WDR43: variants seen among roughly 807,000 people sequenced by gnomAD.
WDR43 encodes the protein WD repeat domain 43.
In WDR43, 13 loss-of-function variants were observed where a neutral mutation model predicts 91.4. That is an observed-to-expected ratio of 0.14 (90% confidence interval 0.09 to 0.23). The LOEUF (loss-of-function observed/expected upper bound fraction) is 0.23, where lower values mean the gene tolerates loss of function less well. Among genes scored for constraint, WDR43 ranks in the 10% least tolerant of loss-of-function variants. WDR43 has a pLI of 1.00. For synonymous variants in WDR43, 331 were observed against 287.9 expected (o/e 1.15, Z -1.51); for missense variants, 780 against 809.4 (o/e 0.96, Z 0.44).
At chr2:28,929,412 C>T (rs1671199766) in intron 10 of WDR43, among the ~76,000 whole-genome samples, 167 bp from the exon 11 acceptor site, 1 of 152,078 alleles carries the variant, frequency 6.6e-6, no homozygotes, top group Non-Finnish European at 1.5e-5. Flanking sequence ...TTGTCTCCAA[C>T]ATTGGCATTA....
chr2:28,923,876 T>C (rs1262430857), intron 7 of WDR43, among the ~76,000 whole-genome samples: 2 of 151,970 alleles, frequency 1.3e-5, no homozygotes, highest in Non-Finnish European at 2.9e-5. Flanking sequence ...TGGCAAACCA[T>C]TGAAGGATTT....
chr2:28,932,943 C>T (rs2148195415), intron 11 of WDR43, among the ~76,000 whole-genome samples: 1 of 152,272 alleles, frequency 6.6e-6, no homozygotes, highest in Middle Eastern at 3.4e-3. Flanking sequence ...AAACAGGTAA[C>T]TGTCTCTACA....
chr2:28,902,184 T>G (rs541284997), intron 2 of WDR43, 60 bp downstream of exon 2: 519 of 1,485,246 alleles, frequency 3.5e-4, no homozygotes, highest in Non-Finnish European at 4.5e-4. Context: ...TATTAGAGAT[T>G]ATTAAAAAAA....
chr2:28,906,604 G>T, intron 3 of WDR43, 23 bp downstream of exon 3: 1 of 1,606,404 alleles, frequency 6.2e-7, no homozygotes. Context: ...CATGGTATCA[G>T]GAAATGCAAT....
intron 5 of WDR43, 93 bp from the exon 6 acceptor site, chr2:28,917,800 A>G (rs1670943285): frequency 9.4e-7 from 1 of 1,063,800 alleles, no homozygotes; most frequent in South Asian, 1.5e-5. Flanking sequence ...TGGGAATCTC[A>G]TGTGCTGATC....
At chr2:28,924,709 GT>G (rs1207944455) in intron 7 of WDR43, among the ~76,000 whole-genome samples, 1 of 152,102 alleles carries the variant, frequency 6.6e-6, no homozygotes, top group African/African-American at 2.4e-5. Flanking sequence ...GCAAGAGAAC[GT>G]TTGGCAGCTT....
At chr2:28,926,668 CTCTTG>C (rs1221381244) in intron 9 of WDR43, 114 bp downstream of exon 9, 52 of 901,670 alleles carry the variant, frequency 5.8e-5, no homozygotes, top group Non-Finnish European at 7.6e-5. Context: ...TATCTTTATT[CTCTTG>C]TCTTATAAAT....
chr2:28,937,943 G>C lies in WDR43; in HGVS notation c.1569G>C (p.Met523Ile), dbSNP rs778616801. ...TTTTTTTTTCCAGTGCTGTGCTAAT[G>C]GTTCAGTGGCTAAAATGTGTGTTAA... ...LQGHPNSAVL[M>I]VQWLKCVLTV... Residue 523 changes from methionine (M) to isoleucine (I), a missense_variant, in exon 14 of 18, where the codon ATG becomes ATC. Physicochemically the swap from Met to Ile is conservative, Grantham distance 10. Coordinates refer to ENST00000407426, the MANE Select transcript of WDR43 (RefSeq NM_015131.3). 7.4e-6 allele frequency: 12 copies of C among 1,613,598 alleles called. No homozygotes were observed. In the Middle Eastern group the frequency reaches 4.9e-4, roughly 66 times the overall value.
At chr2:28,901,899 G>T (rs1034489932) in intron 1 of WDR43, 88 bp from the exon 2 acceptor site, 2 of 1,291,414 alleles carry the variant, frequency 1.5e-6, no homozygotes, top group African/African-American at 1.5e-5. Context: ...AATGTCTTTT[G>T]TGGGCTGGTG....
chr2:28,906,439 T>TC (rs1459708703), intron 2 of WDR43, 21 bp from the exon 3 acceptor site: 8 of 1,516,874 alleles, frequency 5.3e-6, no homozygotes, highest in Non-Finnish European at 7.0e-6. Context: ...CTTAAATTTT[T>TC]TTTTTTTTTT....
At chr2:28,922,793 C>A in intron 6 of WDR43, 126 bp from the exon 7 acceptor site, 1 of 432,940 alleles carries the variant, frequency 2.3e-6, no homozygotes, top group Non-Finnish European at 3.8e-6. Context: ...TGGATTCTTG[C>A]TGTGTTTTTT....
intron 3 of WDR43, among the ~76,000 whole-genome samples, chr2:28,912,141 G>A (rs1176665465): frequency 6.6e-6 from 1 of 152,146 alleles, no homozygotes; most frequent in Non-Finnish European, 1.5e-5. Context: ...TAGAGAAATC[G>A]TTTGTGTTAT....
intron 2 of WDR43, among the ~76,000 whole-genome samples, chr2:28,903,626 G>A (rs368311177): frequency 3.0e-4 from 45 of 152,294 alleles, no homozygotes; most frequent in African/African-American, 1.0e-3. Context: ...TCTCAAGAAA[G>A]CATTCTTCCC....
chr2:28,912,854 C>T (rs892945387), intron 4 of WDR43, 144 bp downstream of exon 4: 1 of 1,138,792 alleles, frequency 8.8e-7, no homozygotes, highest in Non-Finnish European at 1.2e-6. Flanking sequence ...TAAAAGTTAG[C>T]CTCCTAATCT....
rs185840762 is a variant in WDR43 at position 28,898,071 on chromosome 2, T to C, written c.225+3148T>C. ...TCTCTACCAAAGCCACATAGTAAAG[T>C]GACTGAGCCACCTAGGAACTGATGC... On this transcript the variant is annotated intron_variant, in intron 1 of 17. Coordinates refer to ENST00000407426, the MANE Select transcript of WDR43 (RefSeq NM_015131.3). Among the ~76,000 whole-genome samples the C allele has an allele frequency of 9.8e-4, 149 of 152,338 alleles. 1 individual carries two copies. In the South Asian group the frequency reaches 0.015, roughly 15 times the overall value.
intron 15 of WDR43, 58 bp from the exon 16 acceptor site, chr2:28,942,254 C>T (rs982505520): frequency 1.4e-5 from 21 of 1,549,064 alleles, no homozygotes; most frequent in African/African-American, 9.5e-5. Context: ...TGCTGGTGGT[C>T]GTGATACTTG....
At chr2:28,902,199 A>C in intron 2 of WDR43, 75 bp downstream of exon 2, 2 of 1,417,332 alleles carry the variant, frequency 1.4e-6, no homozygotes, top group Non-Finnish European at 9.5e-7. Flanking sequence ...AAAAAAAAAC[A>C]CTTCAAGGTA....
intron 3 of WDR43, among the ~76,000 whole-genome samples, chr2:28,910,274 C>T (rs1224910000): frequency 2.0e-5 from 3 of 152,150 alleles, no homozygotes; most frequent in African/African-American, 4.8e-5. Flanking sequence ...TTATCAGCCT[C>T]GTCTAGGCAG....
chr2:28,902,969 T>C (rs1479871937), intron 2 of WDR43, among the ~76,000 whole-genome samples: 1 of 152,226 alleles, frequency 6.6e-6, no homozygotes, highest in Admixed American at 6.5e-5. Flanking sequence ...ATAGGAAATT[T>C]GTAACTACAT....
Sources: allele counts gnomAD v4.1 joint callset (sites outside exome capture counted in the v4.1 genomes callset), GRCh38; gene constraint gnomAD v4.1.1; transcripts MANE v1.5; gene names NCBI Gene and HGNC (gene_info 2026-07-23, HGNC 2026-07-21).